Variants in SCOC observed in about 807,000 individuals in gnomAD.
The protein encoded by SCOC is short coiled-coil protein, also known as short coiled coil protein.
Under a neutral mutation model 9.9 loss-of-function variants are expected in SCOC, and 7 were observed. The ratio of observed to expected loss-of-function variants is 0.71; its 90% CI spans 0.40 to 1.33. The LOEUF (loss-of-function observed/expected upper bound fraction) is 1.33, where lower values mean the gene tolerates loss of function less well. Ranked by LOEUF, SCOC falls within the 40% of genes most tolerant of loss-of-function variation. The probability of loss-of-function intolerance (pLI) is 0.01; values close to 1 mark genes in which losing one functional copy is unlikely to be tolerated. For synonymous variants in SCOC, 19 were observed against 28.2 expected (o/e 0.67, Z 1.03); for missense variants, 66 against 89.7 (o/e 0.74, Z 1.07).
intron 1 of SCOC, among the ~76,000 whole-genome samples, chr4:140,282,060 C>G (rs1473396811): frequency 6.6e-6 from 1 of 152,168 alleles, no homozygotes; most frequent in Non-Finnish European, 1.5e-5. Flanking sequence ...TTCCCATGGC[C>G]TTTGGAGGGA....
At chr4:140,279,901 T>C (rs1731061628) in intron 1 of SCOC, among the ~76,000 whole-genome samples, 1 of 152,198 alleles carries the variant, frequency 6.6e-6, no homozygotes, top group Admixed American at 6.5e-5. Flanking sequence ...ATCCTCAATA[T>C]GTGGCTTCTC....
In SCOC at chr4:140,385,690, TCTTTA is replaced by T. The variant is rs1728670646; in HGVS notation, c.*4591_*4595del. 1 of 152,220 alleles carries T rather than the reference TCTTTA, an allele frequency of 6.6e-6. No individual in the cohort carries two copies. Among genetic ancestry groups the T allele is most frequent in the African/African-American group, 2.4e-5 (1 of 41,448 alleles). The allele number at this position is 152,220 out of a possible 1,614,324, so 9.4% of individuals were successfully genotyped here. A position where few individuals can be genotyped will look rare whatever the true frequency, so the allele number is the denominator to read the frequency against. On this transcript the variant is annotated 3_prime_UTR_variant, in exon 4 of 4. Coordinates refer to ENST00000608372, the MANE Select transcript of SCOC (RefSeq NM_001153484.2). ...ATAGATCTTTAGAATGTAAAGCCAT[TCTTTA>T]CTTTGCCCAATAAAAATTTTGTTAT...
intron 1 of SCOC, among the ~76,000 whole-genome samples, chr4:140,258,809 G>A (rs78700492): frequency 0.017 from 2,561 of 152,234 alleles, 73 homozygotes; most frequent in African/African-American, 0.057. Context: ...AAATGATGGC[G>A]TATCATATGT....
At chr4:140,335,197 T>A (rs774614432) in intron 1 of SCOC, among the ~76,000 whole-genome samples, 51 of 152,286 alleles carry the variant, frequency 3.3e-4, no homozygotes, top group South Asian at 2.3e-3. Flanking sequence ...AATGCCTATG[T>A]GTTATAGAAG....
intron 2 of SCOC, chr4:140,366,648 C>A (rs563870627): frequency 1.7e-5 from 27 of 1,603,922 alleles, no homozygotes; most frequent in Middle Eastern, 1.7e-4. Flanking sequence ...GTCTGACATA[C>A]TTCTGGTGGG....
At chr4:140,299,426 T>C (rs1033570493) in intron 1 of SCOC, among the ~76,000 whole-genome samples, 1 of 152,210 alleles carries the variant, frequency 6.6e-6, no homozygotes, top group Non-Finnish European at 1.5e-5. Context: ...TCTTTTCTTT[T>C]TTCAATTTTT....
intron 1 of SCOC, among the ~76,000 whole-genome samples, chr4:140,324,786 C>T (rs1732598123): frequency 6.6e-6 from 1 of 151,964 alleles, no homozygotes; most frequent in Non-Finnish European, 1.5e-5. Context: ...TCCATGAAAT[C>T]CCAATCAAAA....
upstream of SCOC, among the ~76,000 whole-genome samples, chr4:140,371,767 T>A (rs1161910381): frequency 3.3e-5 from 5 of 152,202 alleles, no homozygotes; most frequent in Non-Finnish European, 7.3e-5. Context: ...TGGGTGTATA[T>A]CCAAAAGAAC....
chr4:140,267,328 C>T (rs1367747476), intron 1 of SCOC, among the ~76,000 whole-genome samples: 1 of 152,098 alleles, frequency 6.6e-6, no homozygotes, highest in East Asian at 1.9e-4. Context: ...TCAGCATAGT[C>T]GTCAGTGGCT....
intron 1 of SCOC, among the ~76,000 whole-genome samples, chr4:140,286,188 T>TA (rs373397923): frequency 0.038 from 5,252 of 137,464 alleles, 311 homozygotes; most frequent in African/African-American, 0.13. Context: ...CATCACAAAA[T>TA]AAAAAAAAAA....
chr4:140,354,870 G>T (rs999329403), intron 2 of SCOC, among the ~76,000 whole-genome samples: 1 of 151,832 alleles, frequency 6.6e-6, no homozygotes, highest in Non-Finnish European at 1.5e-5. Flanking sequence ...AACTATTTGG[G>T]TATTTATTTC....
chr4:140,310,849 T>C (rs1420857308), intron 1 of SCOC, among the ~76,000 whole-genome samples: 1 of 152,222 alleles, frequency 6.6e-6, no homozygotes, highest in Non-Finnish European at 1.5e-5. Flanking sequence ...AGGAGCCAGC[T>C]CTGCTTCCAG....
chr4:140,302,881 T>C (rs1011451179), intron 1 of SCOC, among the ~76,000 whole-genome samples: 1 of 152,194 alleles, frequency 6.6e-6, no homozygotes, highest in African/African-American at 2.4e-5. Flanking sequence ...CAGCCAAATA[T>C]ATTCAAGGGC....
Position 140,267,966 on chromosome 4 carries a change from C to T in SCOC, c.-19+10556C>T, listed in dbSNP as rs565181139. ...GAGCTGCTAAGGACCGGCCTGGGGA[C>T]GCCTTGCTGAAAGAGGTTTGTAGGG... On this transcript the variant is annotated intron_variant, in intron 1 of 4. Transcript: ENST00000394205. Among the ~76,000 whole-genome samples, 35 of 152,288 alleles carry T rather than the reference C, an allele frequency of 2.3e-4. No homozygotes were observed. In the South Asian group the frequency reaches 5.2e-3, roughly 23 times the overall value.
chr4:140,318,675 T>C (rs909433035), intron 1 of SCOC, among the ~76,000 whole-genome samples: 3 of 137,924 alleles, frequency 2.2e-5, no homozygotes, highest in Non-Finnish European at 3.1e-5. Flanking sequence ...AGTGTGGCGA[T>C]TCCTCAGGGA....
intron 1 of SCOC, among the ~76,000 whole-genome samples, chr4:140,320,641 A>G (rs879083395): frequency 6.6e-6 from 1 of 152,112 alleles, no homozygotes; most frequent in Non-Finnish European, 1.5e-5. Context: ...GAGAAGCCTC[A>G]GAAAATGTCC....
chr4:140,373,584 G>A (rs1342270954), upstream of SCOC: 4 of 1,551,556 alleles, frequency 2.6e-6, no homozygotes, highest in Admixed American at 3.9e-5. Flanking sequence ...CGAGCGGCTG[G>A]GACGGGATGG....
At chr4:140,338,782 G>C (rs1450456173), upstream of SCOC, among the ~76,000 whole-genome samples, 1 of 152,206 alleles carries the variant, frequency 6.6e-6, no homozygotes, top group East Asian at 1.9e-4. Context: ...ACAAACCACT[G>C]CTCAATGAAA....
chr4:140,328,145 C>T (rs898389032), intron 1 of SCOC, among the ~76,000 whole-genome samples: 2 of 152,174 alleles, frequency 1.3e-5, no homozygotes, highest in South Asian at 4.1e-4. Flanking sequence ...GCACACAGGA[C>T]ATGCTCTATC....
Sources: gnomAD v4.1 joint callset for allele counts (sites outside exome capture counted in the v4.1 genomes callset) on GRCh38, gnomAD v4.1.1 for gene constraint, MANE v1.5 for transcripts, NCBI Gene and HGNC (gene_info 2026-07-23, HGNC 2026-07-21) for gene names.